Variants in TOP6BL observed in about 807,000 individuals in gnomAD.
The protein encoded by TOP6BL is TOP6B like initiator of meiotic double strand breaks.
the TOP6BL span, among the ~76,000 whole-genome samples, chr11:66,758,681 G>A: frequency 5.3e-5 from 8 of 152,086 alleles, no homozygotes; most frequent in African/African-American, 1.4e-4. Flanking sequence ...TCGTATATTA[G>A]GATATGAGTT....
At chr11:66,816,001 A>G in the TOP6BL span, 5 of 1,509,668 alleles carry the variant, frequency 3.3e-6, no homozygotes, top group Middle Eastern at 5.2e-4. Flanking sequence ...GTCACTTTGT[A>G]TTTCAAGAGC....
At chr11:66,762,111 G>A in the TOP6BL span, 2 of 1,017,478 alleles carry the variant, frequency 2.0e-6, no homozygotes, top group Non-Finnish European at 3.1e-6. Context: ...ATCTTAGGAA[G>A]GGTTTTATGC....
chr11:66,842,617 G>A, the TOP6BL span, among the ~76,000 whole-genome samples: 1 of 152,060 alleles, frequency 6.6e-6, no homozygotes, highest in African/African-American at 2.4e-5. Context: ...GTGAGGGCTC[G>A]GGACAATCTC....
chr11:66,774,760 C>T, the TOP6BL span, among the ~76,000 whole-genome samples: 4 of 151,724 alleles, frequency 2.6e-5, no homozygotes, highest in Non-Finnish European at 5.9e-5. Context: ...CGTGAGTCAC[C>T]GCGCCTGACC....
At chr11:66,837,826 G>C in the TOP6BL span, among the ~76,000 whole-genome samples, 2 of 152,148 alleles carry the variant, frequency 1.3e-5, no homozygotes, top group African/African-American at 4.8e-5. Flanking sequence ...ATTGGGTTCT[G>C]GTCTCAGTAA....
At chr11:66,813,816 A>G in the TOP6BL span, 1 of 1,537,098 alleles carries the variant, frequency 6.5e-7, no homozygotes, top group South Asian at 1.1e-5. Flanking sequence ...ACAAGTGAAT[A>G]CATAGTCATA....
chr11:66,839,931 G>C, the TOP6BL span, among the ~76,000 whole-genome samples: 1 of 152,134 alleles, frequency 6.6e-6, no homozygotes, highest in African/African-American at 2.4e-5. Flanking sequence ...ACAAACTAGA[G>C]GACCCAGGCT....
At chr11:66,765,420 A>G in the TOP6BL span, among the ~76,000 whole-genome samples, 1 of 152,224 alleles carries the variant, frequency 6.6e-6, no homozygotes, top group Admixed American at 6.5e-5. Context: ...CTCATGCTCA[A>G]TCACATTTAG....
the TOP6BL span, among the ~76,000 whole-genome samples, chr11:66,749,761 G>A: frequency 2.6e-5 from 4 of 152,074 alleles, no homozygotes; most frequent in East Asian, 7.7e-4. Flanking sequence ...AATAGAGATG[G>A]AGGTTTCACC....
At chr11:66,746,906 A>G in the TOP6BL span, among the ~76,000 whole-genome samples, 1 of 151,708 alleles carries the variant, frequency 6.6e-6, no homozygotes, top group Non-Finnish European at 1.5e-5. Flanking sequence ...TAAATGAAAT[A>G]TATTTTATTT....
the TOP6BL span, among the ~76,000 whole-genome samples, chr11:66,795,447 G>A: frequency 6.6e-6 from 1 of 151,696 alleles, no homozygotes; most frequent in East Asian, 2.0e-4. Context: ...GATTGCAGGC[G>A]CATGCCACCA....
the TOP6BL span, among the ~76,000 whole-genome samples, chr11:66,831,996 CAAAAAAAAA>C: frequency 1.3e-4 from 6 of 46,650 alleles, no homozygotes; most frequent in African/African-American, 5.1e-4. Context: ...GACTCTGTCT[CAAAAAAAAA>C]AAAAAAAAAA....
the TOP6BL span, among the ~76,000 whole-genome samples, chr11:66,787,943 A>G: frequency 6.6e-6 from 1 of 152,248 alleles, no homozygotes; most frequent in Non-Finnish European, 1.5e-5. Flanking sequence ...TAAAAAATTG[A>G]AAAGATGAGG....
the TOP6BL span, among the ~76,000 whole-genome samples, chr11:66,812,101 A>G: frequency 0.024 from 3,609 of 152,304 alleles, 51 homozygotes; most frequent in Middle Eastern, 0.082. Flanking sequence ...TTCATATTAC[A>G]AGTAAATGAT....
At chr11:66,745,858 T>C in the TOP6BL span, among the ~76,000 whole-genome samples, 1 of 152,246 alleles carries the variant, frequency 6.6e-6, no homozygotes, top group Non-Finnish European at 1.5e-5. Context: ...TCGCCCAGGC[T>C]GGAGTGCAGT....
chr11:66,764,979 AG>A, the TOP6BL span, among the ~76,000 whole-genome samples: 2 of 151,978 alleles, frequency 1.3e-5, no homozygotes, highest in African/African-American at 2.4e-5. Flanking sequence ...AAAAAAAAAA[AG>A]CTATATAAAT....
chr11:66,837,445 A>ATTT, the TOP6BL span, among the ~76,000 whole-genome samples: 6 of 111,868 alleles, frequency 5.4e-5, no homozygotes, highest in African/African-American at 1.4e-4. Context: ...CAAATTTTTA[A>ATTT]TTTTTTTTTT....
chr11:66,758,650 A>G, the TOP6BL span, among the ~76,000 whole-genome samples: 1 of 152,268 alleles, frequency 6.6e-6, no homozygotes, highest in East Asian at 1.9e-4. Flanking sequence ...GGTTAGAAGA[A>G]GAGCCAAAGT....
At chr11:66,789,267 G>A in the TOP6BL span, among the ~76,000 whole-genome samples, 2 of 152,238 alleles carry the variant, frequency 1.3e-5, no homozygotes, top group East Asian at 3.9e-4. Context: ...TATTAGTTTG[G>A]TTTAGAGATC....
Sources: gnomAD v4.1 joint callset for allele counts (sites outside exome capture counted in the v4.1 genomes callset) on GRCh38, gnomAD v4.1.1 for gene constraint, MANE v1.5 for transcripts, NCBI Gene and HGNC (gene_info 2026-07-23, HGNC 2026-07-21) for gene names.